SLC2A1: variants seen among roughly 807,000 people sequenced by gnomAD.
SLC2A1 encodes solute carrier family 2, facilitated glucose transporter member 1.
A neutral mutation model predicts 46.6 loss-of-function variants in SLC2A1; 4 were observed. That is an observed-to-expected ratio of 0.09 (90% CI 0.04 to 0.20). The LOEUF (loss-of-function observed/expected upper bound fraction) is 0.20. Ranked by LOEUF, SLC2A1 falls within the 10% of genes least tolerant of loss-of-function variation. The probability of loss-of-function intolerance (pLI) is 1.00; values close to 1 mark genes in which losing one functional copy is unlikely to be tolerated. For missense variants in SLC2A1, 352 were observed against 667.0 expected (o/e 0.53, Z 5.20); for synonymous variants, 253 against 270.0 (o/e 0.94, Z 0.62).
chr1:42,926,823 T>C lies in SLC2A1; in HGVS notation c.*218A>G. Reference sequence around the variant, plus strand: ...ATAAAAAAATTATAAAACCTGTTGCTTGTCTGAATAGATTTGAGCAACAGT... The same window carrying C: ...ATAAAAAAATTATAAAACCTGTTGCCTGTCTGAATAGATTTGAGCAACAGT... On this transcript the variant is annotated 3_prime_UTR_variant, in exon 10 of 10. Transcript: ENST00000426263. 1 of 1,493,952 alleles carries C rather than the reference T, an allele frequency of 6.7e-7. No homozygotes were observed. Among genetic ancestry groups the C allele is most frequent in the Non-Finnish European group, 8.9e-7 (1 of 1,127,854 alleles). 92.5% of individuals were successfully genotyped at this position (1,493,952 alleles called of 1,614,324 possible).
rs970123131 is a variant in SLC2A1 at position 42,929,471 on chromosome 1, G to T, written c.867+122C>A. 21 of 1,164,516 alleles carry T rather than the reference G, an allele frequency of 1.8e-5. No homozygotes were observed. Among genetic ancestry groups the T allele is most frequent in the South Asian group, 2.5e-5 (2 of 78,678 alleles). The allele number at this position is 1,164,516 out of a possible 1,614,324, so 72.1% of individuals were successfully genotyped here. A position where few individuals can be genotyped will look rare whatever the true frequency, so the allele number is the denominator to read the frequency against. On this transcript the variant is annotated intron_variant, in intron 6 of 9. Coordinates refer to ENST00000426263, the MANE Select transcript of SLC2A1 (RefSeq NM_006516.4). This position sits in a 1 kb window ranked among gnomAD's most constrained non-coding sequence, Gnocchi z 6.0. ...ACTGCAGTGACCTTACGGGCTTGGG[G>T]TCTAAAGGGAAACTTCTTCGGCAGA... is the stretch of plus-strand genomic sequence containing the variant.
At position 42,931,143 on chromosome 1, in the gene SLC2A1, T is replaced by G; in HGVS notation, c.178A>C (p.Thr60Pro). The G allele has an allele frequency of 6.2e-7, 1 of 1,613,750 alleles. No individual in the cohort carries two copies. The highest frequency in any genetic ancestry group is 8.5e-7 in the Non-Finnish European group (1 of 1,179,892). The change falls in exon 3 of 10, where the codon ACG (threonine) becomes CCG (proline). Residue 60 changes from threonine to proline, a missense_variant. Transcript: ENST00000426263. ...HRYGESILPT[T>P]LTTLWSLSVA... is the part of the protein sequence containing the mutation. ...GAGAGGGACCAGAGCGTGGTGAGCGTGGTGGGCAGGATGCTCTCCCCATAG... is the reference window on the plus strand; with the variant it reads ...GAGAGGGACCAGAGCGTGGTGAGCGGGGTGGGCAGGATGCTCTCCCCATAG...
intron 1 of SLC2A1, among the ~76,000 whole-genome samples, chr1:42,949,806 C>T (rs758671663): frequency 1.2e-4 from 18 of 151,760 alleles, no homozygotes; most frequent in Non-Finnish European, 2.4e-4. Context: ...GAGGGAAAAG[C>T]GCAGAACCAG....
intron 1 of SLC2A1, chr1:42,951,651 G>T (rs1643721272): frequency 7.6e-6 from 3 of 394,346 alleles, no homozygotes; most frequent in Non-Finnish European, 1.3e-5. Flanking sequence ...TCTGTAGTTG[G>T]CTCTGTAACT....
intron 1 of SLC2A1, among the ~76,000 whole-genome samples, chr1:42,946,581 T>C (rs1643658048): frequency 6.6e-6 from 1 of 152,096 alleles, no homozygotes; most frequent in Admixed American, 6.5e-5. Context: ...GAGGTGACAT[T>C]GGAGCTGGGC....
In SLC2A1 at chr1:42,927,343, G is replaced by A. The variant is rs898001380; in HGVS notation, c.1279-102C>T. ...ACCTTTGGGCCTTTGAGCTGAAAAGGGAACATCCACCTACCCAGGGATGCT... is the reference window on the plus strand; with the variant it reads ...ACCTTTGGGCCTTTGAGCTGAAAAGAGAACATCCACCTACCCAGGGATGCT... On this transcript the variant is annotated intron_variant, in intron 9 of 9. Transcript: ENST00000426263. This position sits in a 1 kb window ranked among gnomAD's most constrained non-coding sequence, Gnocchi z 5.3. 1.9e-5 allele frequency: 21 copies of A among 1,102,686 alleles called. No individual in the cohort carries two copies. The East Asian group carries it at 3.5e-4, about 18-fold the overall frequency. 68.3% of individuals were successfully genotyped at this position (1,102,686 alleles called of 1,614,324 possible).
chr1:42,958,579 G>A lies in SLC2A1; in HGVS notation c.18+55C>T. ...GGGAGGCCCTGGCCGGCGTAAGGCG[G>A]GCAGGAGTCTGCGCCTTTGTTCCTG... On this transcript the variant is annotated intron_variant, in intron 1 of 9. Coordinates refer to ENST00000426263, the MANE Select transcript of SLC2A1 (RefSeq NM_006516.4). The A allele has an allele frequency of 2.0e-6, 3 of 1,481,896 alleles. No individual in the cohort carries two copies. The Admixed American group carries it at 6.3e-5, about 31-fold the overall frequency. 91.8% of individuals were successfully genotyped at this position (1,481,896 alleles called of 1,614,324 possible).
chr1:42,927,926 G>T lies in SLC2A1; in HGVS notation c.1075-118C>A. 1.3e-6 allele frequency: 1 copy of T among 798,812 alleles called. No individual in the cohort carries two copies. The highest frequency in any genetic ancestry group is 2.1e-6 in the Non-Finnish European group (1 of 473,240). The allele number at this position is 798,812 out of a possible 1,614,324, so 49.5% of individuals were successfully genotyped here. A position where few individuals can be genotyped will look rare whatever the true frequency, so the allele number is the denominator to read the frequency against. ...GCGAGAAGGCAGGAAGCCTGGGGAT[G>T]GTCCTGGATTTGTTGTGTATCCAGC... On this transcript the variant is annotated intron_variant, in intron 8 of 9. Coordinates refer to ENST00000426263, the MANE Select transcript of SLC2A1 (RefSeq NM_006516.4). The surrounding 1 kb of genome is among the most constrained non-coding windows in gnomAD (Gnocchi z 5.3).
Position 42,954,660 on chromosome 1 carries a change from G to A in SLC2A1, c.18+3974C>T, listed in dbSNP as rs1643755709. Reference sequence around the variant, plus strand: ...TGGAGGGCTGGGCCATGGCTGGAAGGCCCCTCCTGCTCTGGGTTCCTTCCA... The same window carrying A: ...TGGAGGGCTGGGCCATGGCTGGAAGACCCCTCCTGCTCTGGGTTCCTTCCA... On this transcript the variant is annotated intron_variant, in intron 1 of 9. Transcript: ENST00000426263. The surrounding 1 kb of genome is among the most constrained non-coding windows in gnomAD (Gnocchi z 4.2). Among the ~76,000 whole-genome samples, 1 of 152,166 alleles carries A rather than the reference G, an allele frequency of 6.6e-6. No homozygotes were observed. Among genetic ancestry groups the A allele is most frequent in the South Asian group, 2.1e-4 (1 of 4,826 alleles).
chr1:42,950,312 G>GCT (rs1643705899), intron 1 of SLC2A1, among the ~76,000 whole-genome samples: 1 of 152,194 alleles, frequency 6.6e-6, no homozygotes, highest in African/African-American at 2.4e-5. Context: ...CAATATTTAC[G>GCT]CTCTATCTGG....
rs772508434 is a variant in SLC2A1 at position 42,927,834 on chromosome 1, A to C, written c.1075-26T>G. The C allele has an allele frequency of 1.3e-6, 2 of 1,565,870 alleles. No individual in the cohort carries two copies. The highest frequency in any genetic ancestry group is 1.7e-6 in the Non-Finnish European group (2 of 1,143,168). On this transcript the variant is annotated intron_variant, in intron 8 of 9. Transcript: ENST00000426263. The surrounding 1 kb of genome is among the most constrained non-coding windows in gnomAD (Gnocchi z 5.3). ...CTGTTGAGGATGACGGAGAGGGGGAAAAGTTAGACTGGGTTGTGATGGATC... is the reference window on the plus strand; with the variant it reads ...CTGTTGAGGATGACGGAGAGGGGGACAAGTTAGACTGGGTTGTGATGGATC...
chr1:42,942,132 G>A (rs1643604709), intron 2 of SLC2A1, among the ~76,000 whole-genome samples: 1 of 152,218 alleles, frequency 6.6e-6, no homozygotes, highest in Admixed American at 6.5e-5. Context: ...CGTGAGGACT[G>A]CCCACTCTCA....
intron 1 of SLC2A1, among the ~76,000 whole-genome samples, chr1:42,950,584 A>T (rs543613131): frequency 6.6e-6 from 1 of 152,332 alleles, no homozygotes; most frequent in Non-Finnish European, 1.5e-5. Flanking sequence ...AACTAAGAGA[A>T]CATTAATTTG....
chr1:42,940,478 G>T (rs1643586593), intron 2 of SLC2A1, among the ~76,000 whole-genome samples: 1 of 152,194 alleles, frequency 6.6e-6, no homozygotes, highest in African/African-American at 2.4e-5. Flanking sequence ...CCCTTCGATG[G>T]CTTACATTAT....
At chr1:42,952,244 A>G (rs1285735473) in intron 1 of SLC2A1, 4 of 417,964 alleles carry the variant, frequency 9.6e-6, no homozygotes, top group Non-Finnish European at 1.4e-5. Context: ...GAATGAGACC[A>G]TGCAGTGAAA....
At position 42,943,309 on chromosome 1, in the gene SLC2A1, G is replaced by A. The variant is rs1333609390; in HGVS notation, c.31C>T (p.Arg11Cys). 1.6e-5 allele frequency: 26 copies of A among 1,613,404 alleles called. No individual in the cohort carries two copies. The highest frequency in any genetic ancestry group is 2.7e-5 in the African/African-American group (2 of 74,904). The part of the protein sequence containing the change: MEPSSKKLTG[R>C]LMLAVGGAVL... The stretch of plus-strand genomic sequence containing the variant: ...GCTCCTCCCACGGCCAGCATGAGGC[G>A]ACCCGTCAGCTTCTGCGGAGAAACA... Residue 11 changes from arginine (R) to cysteine (C), a missense_variant, in exon 2 of 10, where the codon CGC (arginine) becomes TGC (cysteine). Physicochemically the swap from Arg to Cys is radical, Grantham distance 180. Around this residue, in one of 5 missense-constraint regions of SLC2A1, gnomAD observed 97 missense variants for 175.6 expected, o/e 0.55. Coordinates refer to ENST00000426263, the MANE Select transcript of SLC2A1 (RefSeq NM_006516.4).
chr1:42,930,680 C>G lies in SLC2A1; in HGVS notation c.462G>C (p.Gly154=). 6.2e-7 allele frequency: 1 copy of G among 1,613,312 alleles called. No homozygotes were observed. Among genetic ancestry groups the G allele is most frequent in the Non-Finnish European group, 8.5e-7 (1 of 1,179,640 alleles). ...CCAGCTGGTGCAGGGTGCCCAGGGC[C>G]CCACGAAGGGCTGTGGGTGACACTT... ...VGEVSPTALR[G]ALGTLHQLGI... The change falls in exon 4 of 10, where the codon GGG becomes GGC. Residue 154 remains glycine, a synonymous_variant. Coordinates refer to ENST00000426263, the MANE Select transcript of SLC2A1 (RefSeq NM_006516.4). The surrounding 1 kb of genome is among the most constrained non-coding windows in gnomAD (Gnocchi z 6.2).
intron 2 of SLC2A1, 97 bp from the exon 3 acceptor site, chr1:42,931,303 G>A: frequency 7.9e-7 from 1 of 1,260,108 alleles, no homozygotes; most frequent in Non-Finnish European, 1.1e-6. Flanking sequence ...AGAGGGCCAG[G>A]GCCTGGCTCT....
chr1:42,945,684 G>A lies in SLC2A1; in HGVS notation c.19-2363C>T, dbSNP rs144172693. ...AATCACTTTATCTGGGAGATGAAGT[G>A]AGCCGAGATGGCGCCACTGCACTCC... is the stretch of plus-strand genomic sequence containing the variant. On this transcript the variant is annotated intron_variant, in intron 1 of 9. Transcript: ENST00000426263. 1.9e-3 allele frequency among the ~76,000 whole-genome samples: 290 copies of A among 149,934 alleles called. 3 individuals carry two copies. Among genetic ancestry groups the A allele is most frequent in the African/African-American group, 6.8e-3 (276 of 40,488 alleles).
Sources: allele counts gnomAD v4.1 joint callset (sites outside exome capture counted in the v4.1 genomes callset), GRCh38; gene constraint gnomAD v4.1.1; regional missense constraint gnomAD v4.1.1; non-coding constraint Gnocchi (gnomAD v3.1); transcripts MANE v1.5; gene names NCBI Gene and HGNC (gene_info 2026-07-23, HGNC 2026-07-21).